The following PUM2 variants were observed in gnomAD, a reference collection of about 807,000 sequenced individuals.
PUM2 encodes the protein pumilio homolog 2.
A neutral mutation model predicts 124.5 loss-of-function variants in PUM2; 57 were observed. That is an observed-to-expected ratio of 0.46 (90% CI 0.37 to 0.57). The LOEUF is 0.57. Ranked by LOEUF, PUM2 falls within the 20% of genes least tolerant of loss-of-function variation. The pLI is 0.00. For missense variants in PUM2, 1,065 were observed against 1,290.6 expected, an observed-to-expected ratio of 0.83 and a Z score of 2.68; for synonymous variants, 460 against 446.1, an observed-to-expected ratio of 1.03 and a Z score of -0.39.
At position 20,278,572 on chromosome 2, in the gene PUM2, T is replaced by A; in HGVS notation, c.1957+11A>T. 6.3e-7 allele frequency: 1 copy of A among 1,584,156 alleles called. No homozygotes were observed. Reference sequence around the variant, plus strand: ...ACATACAAATAAAAAGGGTTTTGGTTTTTTTTTTACCTAAATGCAAACTGG... The same window carrying A: ...ACATACAAATAAAAAGGGTTTTGGTATTTTTTTTACCTAAATGCAAACTGG... On this transcript the variant is annotated intron_variant, in intron 13 of 20. Transcript: ENST00000361078.
chr2:20,347,897 A>G (rs536437614), intron 1 of PUM2, among the ~76,000 whole-genome samples: 1 of 152,312 alleles, frequency 6.6e-6, no homozygotes, highest in African/African-American at 2.4e-5. Context: ...TTCTGCAGGG[A>G]GAAGACTCCC....
rs578244632 is a variant in PUM2, at chr2:20,280,634, G to C, written c.1721-1815C>G. On this transcript the variant is annotated intron_variant, in intron 12 of 20. Transcript: ENST00000361078. ...TATTATTTTCCTCCAAAAAGGAAAA[G>C]TCAAGCCAAACATTTAAAAATAATT... Among the ~76,000 whole-genome samples, 10 of 152,212 alleles carry C rather than the reference G, an allele frequency of 6.6e-5. No homozygotes were observed. The South Asian group carries it at 1.9e-3, about 28-fold the overall frequency.
chr2:20,311,609 C>T lies in PUM2; in HGVS notation c.403G>A (p.Ala135Thr). Residue 135 changes from alanine (A) to threonine (T), a missense_variant, in exon 5 of 21, where the codon GCT becomes ACT. Ala to Thr is a moderately conservative substitution (Grantham distance 58, BLOSUM62 0). Transcript: ENST00000361078. ...GPEKGDQKGKASPFEEDQNRD... is the reference protein window; with the variant it reads ...GPEKGDQKGKTSPFEEDQNRD... Reference sequence around the variant, plus strand: ...TTTTGGTCCTCCTCAAATGGAGAAGCCTTGCCTTTTTGATCTCCTTTCTCA... The same window carrying T: ...TTTTGGTCCTCCTCAAATGGAGAAGTCTTGCCTTTTTGATCTCCTTTCTCA... The T allele has an allele frequency of 1.9e-6, 3 of 1,613,436 alleles. No individual in the cohort carries two copies. The highest frequency in any genetic ancestry group is 2.5e-6 in the Non-Finnish European group (3 of 1,179,616).
chr2:20,281,141 C>T (rs1671418958), intron 12 of PUM2, among the ~76,000 whole-genome samples: 1 of 152,032 alleles, frequency 6.6e-6, no homozygotes. Flanking sequence ...ACAAAATGCC[C>T]AAGAGGAGAG....
intron 4 of PUM2, 50 bp downstream of exon 4, chr2:20,312,186 C>A: frequency 4.1e-6 from 6 of 1,462,100 alleles, no homozygotes; most frequent in Admixed American, 2.1e-5. Context: ...GTAACGTAAC[C>A]AAATAACTCT....
At chr2:20,266,957 G>A (rs2148648856) in intron 13 of PUM2, among the ~76,000 whole-genome samples, 1 of 151,980 alleles carries the variant, frequency 6.6e-6, no homozygotes, top group Admixed American at 6.6e-5. Flanking sequence ...GTGGTTATAT[G>A]AAAACATATA....
Position 20,327,349 on chromosome 2 carries a change from A to C in PUM2, c.12T>G (p.Asp4Glu). 1 of 1,584,218 alleles carries C rather than the reference A, an allele frequency of 6.3e-7. No individual in the cohort carries two copies. ...GAGATTCTAATGCAAGAGCTTGAAA[A>C]TCATGATTCATTTCATCCACAGATC... MNH[D>E]FQALALESRG... Residue 4 changes from aspartate to glutamate, a missense_variant, in exon 2 of 21, where the codon GAT (aspartate) becomes GAG (glutamate). Transcript: ENST00000361078.
At chr2:20,351,506 A>G (rs1689337391), upstream of PUM2, among the ~76,000 whole-genome samples, 1 of 152,232 alleles carries the variant, frequency 6.6e-6, no homozygotes. Flanking sequence ...GTCGTTCTCC[A>G]GCTGGGCCAG....
At chr2:20,305,659 CT>C (rs892512568) in intron 7 of PUM2, among the ~76,000 whole-genome samples, 1 of 151,796 alleles carries the variant, frequency 6.6e-6, no homozygotes, top group Admixed American at 6.6e-5. Context: ...ATATACAAGT[CT>C]TTTTTATTCC....
chr2:20,345,355 C>T (rs1688051365), intron 1 of PUM2, among the ~76,000 whole-genome samples: 1 of 152,120 alleles, frequency 6.6e-6, no homozygotes. Flanking sequence ...AGTGATCGTC[C>T]CGCCTCAGTC....
At position 20,258,227 on chromosome 2, in the gene PUM2, C is replaced by G. The variant is rs374576479; in HGVS notation, c.2484+16G>C. ...GAATAAAATAATACAAAAATTTTGT[C>G]TTAACTTACAATTACCTGCTGGTCA... is the stretch of plus-strand genomic sequence containing the variant. On this transcript the variant is annotated intron_variant, in intron 16 of 20. Transcript: ENST00000361078. The G allele has an allele frequency of 4.5e-6, 7 of 1,570,848 alleles. No homozygotes were observed. In the South Asian group the frequency reaches 8.5e-5, roughly 19 times the overall value.
chr2:20,302,082 C>T (rs952917519), intron 7 of PUM2, among the ~76,000 whole-genome samples: 1 of 152,168 alleles, frequency 6.6e-6, no homozygotes, highest in African/African-American at 2.4e-5. Context: ...AACATAAATT[C>T]TCTTTTTAAG....
chr2:20,316,424 C>T (rs1156680319), intron 3 of PUM2, among the ~76,000 whole-genome samples: 1 of 151,136 alleles, frequency 6.6e-6, no homozygotes, highest in Non-Finnish European at 1.5e-5. Context: ...TGATAACTGG[C>T]TAATTATCAT....
At chr2:20,297,130 T>C (rs372511025) in intron 8 of PUM2, among the ~76,000 whole-genome samples, 2 of 152,234 alleles carry the variant, frequency 1.3e-5, no homozygotes, top group Middle Eastern at 3.2e-3. Context: ...AAATTTTAGA[T>C]ACATATTTTC....
chr2:20,290,879 G>C, intron 9 of PUM2, 89 bp from the exon 10 acceptor site: 1 of 1,065,648 alleles, frequency 9.4e-7, no homozygotes, highest in Non-Finnish European at 1.3e-6. Flanking sequence ...ATTACAAACA[G>C]CCTTTGGATA....
intron 1 of PUM2, among the ~76,000 whole-genome samples, chr2:20,348,701 G>C (rs1339569929): frequency 2.0e-5 from 3 of 152,036 alleles, no homozygotes; most frequent in Non-Finnish European, 4.4e-5. Flanking sequence ...AGGGCGAGGC[G>C]GGAGGATCGC....
intron 3 of PUM2, among the ~76,000 whole-genome samples, chr2:20,314,082 G>C (rs1282185551): frequency 6.6e-6 from 1 of 152,082 alleles, no homozygotes; most frequent in Non-Finnish European, 1.5e-5. Context: ...GGAGGTCAAG[G>C]CTTTGGTGAG....
chr2:20,273,174 G>C (rs1290663816), intron 13 of PUM2, among the ~76,000 whole-genome samples: 1 of 152,164 alleles, frequency 6.6e-6, no homozygotes, highest in Admixed American at 6.5e-5. Flanking sequence ...TCATGTGGAG[G>C]CTACTGAAAA....
chr2:20,260,995 T>C (rs897137021), intron 14 of PUM2, among the ~76,000 whole-genome samples: 4 of 152,246 alleles, frequency 2.6e-5, no homozygotes, highest in Non-Finnish European at 5.9e-5. Flanking sequence ...AAGATTATAA[T>C]GGAGATAAAT....
Sources: gnomAD v4.1 joint callset for allele counts (sites outside exome capture counted in the v4.1 genomes callset) on GRCh38, gnomAD v4.1.1 for gene constraint, MANE v1.5 for transcripts, NCBI Gene and HGNC (gene_info 2026-07-23, HGNC 2026-07-21) for gene names.